ACSF2: variants seen among roughly 807,000 people sequenced by gnomAD.
The protein encoded by ACSF2 is acyl-CoA synthetase family member 2.
In ACSF2, 52 loss-of-function variants were observed where a neutral mutation model predicts 79.3. That is an observed-to-expected ratio of 0.66 (90% confidence interval 0.53 to 0.83). The LOEUF is 0.83. Ranked by LOEUF, ACSF2 falls within the 40% of genes least tolerant of loss-of-function variation. The pLI, the probability that ACSF2 is intolerant of heterozygous loss-of-function variation, is 0.00. For missense variants in ACSF2, 661 were observed against 803.3 expected, an observed-to-expected ratio of 0.82 and a Z score of 2.14; for synonymous variants, 283 against 312.6, an observed-to-expected ratio of 0.91 and a Z score of 1.00.
At position 50,474,165 on chromosome 17, in the gene ACSF2, C is replaced by A; in HGVS notation, c.1729-34C>A. The stretch of plus-strand genomic sequence containing the variant: ...CCCATACCCCTGTGAGCTTGCGCAG[C>A]CTCACGCCTTACCTCCCTCCCTCTG... On this transcript the variant is annotated intron_variant, in intron 14 of 15. Transcript: ENST00000300441. This position sits in a 1 kb window ranked among gnomAD's most constrained non-coding sequence, Gnocchi z 4.2. The A allele has an allele frequency of 6.2e-7, 1 of 1,613,254 alleles. No individual in the cohort carries two copies. The highest frequency in any genetic ancestry group is 8.5e-7 in the Non-Finnish European group (1 of 1,179,130).
At chr17:50,457,674 G>A (rs113010204) in intron 1 of ACSF2, among the ~76,000 whole-genome samples, 3,086 of 152,232 alleles carry the variant, frequency 0.02, 108 homozygotes, top group African/African-American at 0.07. Flanking sequence ...GCCTTAATCC[G>A]AGAGTTGAAA....
At chr17:50,452,402 TA>T (rs1260870525) in intron 1 of ACSF2, among the ~76,000 whole-genome samples, 42 of 152,190 alleles carry the variant, frequency 2.8e-4, no homozygotes, top group African/African-American at 9.9e-4. Flanking sequence ...GAAGATCTCT[TA>T]AGCCTGAGAG....
rs756610333 is a variant in ACSF2 at position 50,465,708 on chromosome 17, G to A, written c.1215+1414G>A. The A allele has an allele frequency of 4.8e-5, 78 of 1,613,240 alleles. No individual in the cohort carries two copies. The highest frequency in any genetic ancestry group is 1.1e-4 in the South Asian group (10 of 91,016). ...GGAGTGACATGGAAGTGTTCTTACC[G>A]CCGAAGGCCCCGGAGCTGGCAGGTA... On this transcript the variant is annotated intron_variant, in intron 10 of 15. Coordinates refer to ENST00000300441, the MANE Select transcript of ACSF2 (RefSeq NM_025149.6).
rs1224054279 is a variant in ACSF2, at chr17:50,426,305, C to G, written c.44C>G (p.Ala15Gly). The part of the protein sequence containing the change: ...VGMLRLGRLC[A>G]GSSGVLGARA... The stretch of plus-strand genomic sequence containing the variant: ...ATGCTGCGCCTGGGGAGGCTGTGCG[C>G]CGGGAGCTCGGGGGTGCTGGGGGCC... Residue 15 changes from alanine (A) to glycine (G), a missense_variant, in exon 1 of 16, where the codon GCC (alanine) becomes GGC (glycine). Transcript: ENST00000300441. 2 of 1,416,128 alleles carry G rather than the reference C, an allele frequency of 1.4e-6. No individual in the cohort carries two copies. The highest frequency in any genetic ancestry group is 1.9e-6 in the Non-Finnish European group (2 of 1,079,248). The allele number at this position is 1,416,128 out of a possible 1,614,324, so 87.7% of individuals were successfully genotyped here. A position where few individuals can be genotyped will look rare whatever the true frequency, so the allele number is the denominator to read the frequency against.
intron 1 of ACSF2, among the ~76,000 whole-genome samples, chr17:50,443,108 C>A (rs1278039248): frequency 6.6e-6 from 1 of 152,022 alleles, no homozygotes; most frequent in African/African-American, 2.4e-5. Flanking sequence ...CAGGGTTTTA[C>A]CATGTTGGCC....
intron 1 of ACSF2, among the ~76,000 whole-genome samples, chr17:50,446,509 C>T (rs948756437): frequency 3.3e-5 from 5 of 152,084 alleles, no homozygotes; most frequent in Admixed American, 1.3e-4. Context: ...CCACCCACCT[C>T]GGCATCCCAA....
chr17:50,438,464 CT>C (rs2030611440), intron 1 of ACSF2, among the ~76,000 whole-genome samples: 1 of 152,212 alleles, frequency 6.6e-6, no homozygotes, highest in Non-Finnish European at 1.5e-5. Flanking sequence ...TCCCCACATC[CT>C]TGCAAATATT....
At chr17:50,468,805 G>A in intron 10 of ACSF2, 1 of 1,535,360 alleles carries the variant, frequency 6.5e-7, no homozygotes, top group Non-Finnish European at 8.7e-7. Context: ...AGAGCATTGG[G>A]CGGACCATGG....
intron 10 of ACSF2, chr17:50,468,465 C>T: frequency 6.2e-7 from 1 of 1,614,272 alleles, no homozygotes; most frequent in Non-Finnish European, 8.5e-7. Flanking sequence ...TCGAAGGCAC[C>T]TGCGCGCAGC....
intron 10 of ACSF2, chr17:50,464,760 T>C: frequency 4.5e-6 from 1 of 221,974 alleles, no homozygotes; most frequent in Non-Finnish European, 8.5e-6. Context: ...GTTGTGGTTC[T>C]GATTGACTTG....
chr17:50,460,996 C>T (rs117744567), intron 2 of ACSF2, 124 bp downstream of exon 2: 20,834 of 1,237,672 alleles, frequency 0.017, 205 homozygotes, highest in Middle Eastern at 0.024. Flanking sequence ...CAGAGAACCC[C>T]GAGGGATGGC....
intron 1 of ACSF2, among the ~76,000 whole-genome samples, chr17:50,434,489 C>T (rs1426272429): frequency 4.6e-5 from 7 of 151,892 alleles, no homozygotes; most frequent in Non-Finnish European, 8.8e-5. Flanking sequence ...GAGTTCAAGA[C>T]CAGCCTGGCC....
At chr17:50,472,380 C>G in intron 11 of ACSF2, 48 bp from the exon 12 acceptor site, 1 of 1,590,810 alleles carries the variant, frequency 6.3e-7, no homozygotes, top group South Asian at 1.1e-5. Flanking sequence ...ACCACCTATC[C>G]TGAAGCAAGA....
At chr17:50,465,566 A>T in intron 10 of ACSF2, 1 of 1,471,630 alleles carries the variant, frequency 6.8e-7, no homozygotes, top group South Asian at 1.3e-5. Context: ...TCATTTTACA[A>T]ATGGGGAAAC....
intron 9 of ACSF2, 112 bp downstream of exon 9, chr17:50,464,021 CG>C: frequency 1.5e-6 from 1 of 654,340 alleles, no homozygotes; most frequent in Non-Finnish European, 2.5e-6. Flanking sequence ...GCAAGAAGGA[CG>C]CTGTAAAAAT....
At chr17:50,432,779 G>A (rs1358464277) in intron 1 of ACSF2, among the ~76,000 whole-genome samples, 2 of 152,224 alleles carry the variant, frequency 1.3e-5, no homozygotes, top group Non-Finnish European at 2.9e-5. Context: ...CTAACTTAGT[G>A]TGGCTTTAGG....
At chr17:50,466,369 G>A (rs188753630) in intron 10 of ACSF2, among the ~76,000 whole-genome samples, 54 of 152,274 alleles carry the variant, frequency 3.5e-4, no homozygotes, top group African/African-American at 1.2e-3. Flanking sequence ...GATTACAGGC[G>A]TGAGCCACCA....
chr17:50,458,360 C>T (rs954868199), intron 1 of ACSF2, among the ~76,000 whole-genome samples: 1 of 152,206 alleles, frequency 6.6e-6, no homozygotes. Context: ...GTTCTCACAG[C>T]ACTCCCTTTC....
At chr17:50,440,661 T>C (rs2030827793) in intron 1 of ACSF2, among the ~76,000 whole-genome samples, 1 of 152,234 alleles carries the variant, frequency 6.6e-6, no homozygotes, top group African/African-American at 2.4e-5. Context: ...TGTCACAGAA[T>C]GCCACAGCTA....
Sources: allele counts gnomAD v4.1 joint callset (sites outside exome capture counted in the v4.1 genomes callset), GRCh38; gene constraint gnomAD v4.1.1; non-coding constraint Gnocchi (gnomAD v3.1); transcripts MANE v1.5; gene names NCBI Gene and HGNC (gene_info 2026-07-23, HGNC 2026-07-21).